The following CFAP92 variants were observed in gnomAD, a reference collection of about 807,000 sequenced individuals.
CFAP92 encodes uncharacterized protein CFAP92.
Under a neutral mutation model 106.3 loss-of-function variants are expected in CFAP92, and 86 were observed. The observed-to-expected ratio is 0.81, with a 90% confidence interval of 0.68 to 0.97. The LOEUF is 0.97. Among genes scored for constraint, CFAP92 ranks in the 50% least tolerant of loss-of-function variants. The pLI, the probability that CFAP92 is intolerant of heterozygous loss-of-function variation, is 0.00. For synonymous variants in CFAP92, 477 were observed against 506.4 expected, an observed-to-expected ratio of 0.94 and a Z score of 0.78; for missense variants, 1,204 against 1,283.8, an observed-to-expected ratio of 0.94 and a Z score of 0.95.
At chr3:128,975,490 G>A (rs1348203476) in intron 7 of CFAP92, among the ~76,000 whole-genome samples, 1 of 151,634 alleles carries the variant, frequency 6.6e-6, no homozygotes, top group Non-Finnish European at 1.5e-5. Context: ...GAATGGGTGG[G>A]TGGACAGATG....
At chr3:129,007,847 G>C in the CFAP92 span, among the ~76,000 whole-genome samples, 1 of 152,206 alleles carries the variant, frequency 6.6e-6, no homozygotes, top group African/African-American at 2.4e-5. Flanking sequence ...ATCAGTCCTT[G>C]TGTTGTAGGT....
intron 10 of CFAP92, 53 bp downstream of exon 10, chr3:128,945,018 C>A (rs144966675): frequency 0.012 from 16,851 of 1,411,342 alleles, 221 homozygotes; most frequent in Non-Finnish European, 0.012. Flanking sequence ...TCTCCACTCC[C>A]TCGGCATCCA....
chr3:128,988,723 C>A lies in CFAP92; in HGVS notation c.453+5G>T. The A allele has an allele frequency of 6.2e-7, 1 of 1,613,464 alleles. No individual in the cohort carries two copies. The highest frequency in any genetic ancestry group is 8.5e-7 in the Non-Finnish European group (1 of 1,179,700). ...ACACAAGGCCACACACACTCACACA[C>A]GCACCTTTACTCCTGACTCCAGGAA... is the stretch of plus-strand genomic sequence containing the variant. On this transcript the variant is annotated splice_donor_5th_base_variant and intron_variant, in intron 3 of 15. Transcript: ENST00000645291.
chr3:128,994,124 A>T, upstream of CFAP92: 1 of 985,786 alleles, frequency 1.0e-6, no homozygotes, highest in Non-Finnish European at 1.2e-6. Flanking sequence ...CCAGCCACTC[A>T]GCTACGTTTG....
At chr3:129,023,000 C>T in the CFAP92 span, among the ~76,000 whole-genome samples, 1 of 152,196 alleles carries the variant, frequency 6.6e-6, no homozygotes. Flanking sequence ...AGAACAGCCT[C>T]GGGTTCAGAG....
At chr3:128,965,717 T>C (rs541737508) in intron 8 of CFAP92, 22 bp from the exon 9 acceptor site, 1 of 398,266 alleles carries the variant, frequency 2.5e-6, no homozygotes, top group East Asian at 3.6e-5. Context: ...ACACCCAGCA[T>C]TAGACCTTTC....
chr3:129,001,503 G>T, intron 1 of CFAP92: 1 of 1,302,124 alleles, frequency 7.7e-7, no homozygotes, highest in South Asian at 2.2e-5. Flanking sequence ...CACGGTCCCC[G>T]GCGCCGCTCC....
In CFAP92 at chr3:128,976,855, A is replaced by T. The variant is rs537933186; in HGVS notation, c.896+124T>A. 2.1e-5 allele frequency: 16 copies of T among 745,820 alleles called. No individual in the cohort carries two copies. The African/African-American group carries it at 2.6e-4, about 12-fold the overall frequency. The allele number at this position is 745,820 out of a possible 1,614,324, so 46.2% of individuals were successfully genotyped here. On this transcript the variant is annotated intron_variant, in intron 6 of 15. Transcript: ENST00000645291. ...AAGCTACCCCTTCCCTGTTAGCTTA[A>T]GTTAGCCTGGATTGCATGAGATCCA...
intron 9 of CFAP92, among the ~76,000 whole-genome samples, chr3:128,953,605 CT>C (rs1320951670): frequency 1.6e-5 from 2 of 124,188 alleles, no homozygotes; most frequent in African/African-American, 7.7e-5. Context: ...CCCTCCCCCT[CT>C]CCCTCTCCCT....
chr3:128,972,632 G>T (rs1299939760), intron 7 of CFAP92, among the ~76,000 whole-genome samples: 1 of 151,472 alleles, frequency 6.6e-6, no homozygotes, highest in Non-Finnish European at 1.5e-5. Context: ...GAGGCAAGTG[G>T]ATCGCCTGAG....
upstream of CFAP92, chr3:129,003,936 A>T (rs570713711): frequency 1.4e-6 from 2 of 1,392,840 alleles, no homozygotes; most frequent in South Asian, 3.1e-5. Context: ...GGCCAGGCCG[A>T]GGTGCGGCGG....
intron 12 of CFAP92, among the ~76,000 whole-genome samples, chr3:128,922,133 A>G (rs1301526686): frequency 6.6e-6 from 1 of 151,944 alleles, no homozygotes. Context: ...AGGTCAGGAG[A>G]TCGAGACCAT....
the CFAP92 span, among the ~76,000 whole-genome samples, chr3:129,019,441 C>G: frequency 6.6e-6 from 1 of 152,180 alleles, no homozygotes; most frequent in Non-Finnish European, 1.5e-5. Flanking sequence ...GCTCATCAGT[C>G]CAATAATTCC....
In CFAP92 at chr3:128,915,457, G is replaced by A; in HGVS notation, c.3023C>T (p.Ala1008Val). 1 of 1,536,090 alleles carries A rather than the reference G, an allele frequency of 6.5e-7. No homozygotes were observed. Residue 1008 changes from alanine to valine, a missense_variant, in exon 14 of 16, where the codon GCC becomes GTC. Ala to Val is a moderately conservative substitution (Grantham distance 64). Transcript: ENST00000645291. ...TTGGAATCCCCTGGCTGTGAGCCAG[G>A]CCTGGCGGGATTTCTTCTGGGCTTT... ...EKKAQKKSRQ[A>V]WLTARGFQVT...
At chr3:129,023,334 G>C in the CFAP92 span, among the ~76,000 whole-genome samples, 4 of 138,448 alleles carry the variant, frequency 2.9e-5, no homozygotes. Context: ...TTTTGAGACA[G>C]AGTCTTGAGT....
chr3:129,003,645 A>C, upstream of CFAP92: 1 of 789,030 alleles, frequency 1.3e-6, no homozygotes, highest in Non-Finnish European at 1.7e-6. Flanking sequence ...CACCGGACCT[A>C]AGGGCCTGGC....
chr3:128,928,780 A>G (rs1200321284), intron 12 of CFAP92, among the ~76,000 whole-genome samples: 2 of 132,642 alleles, frequency 1.5e-5, no homozygotes, highest in African/African-American at 7.8e-5. Flanking sequence ...CAGAAAAAAC[A>G]TAAATTGGAA....
chr3:128,959,453 T>C (rs146487983), intron 9 of CFAP92, among the ~76,000 whole-genome samples: 36 of 152,108 alleles, frequency 2.4e-4, no homozygotes, highest in Middle Eastern at 3.4e-3. Flanking sequence ...ATATGAGATC[T>C]CAAAAATAAA....
At chr3:129,015,783 C>G in the CFAP92 span, among the ~76,000 whole-genome samples, 17 of 152,014 alleles carry the variant, frequency 1.1e-4, no homozygotes, top group East Asian at 2.1e-3. Context: ...ATCCCGCCCC[C>G]CTACCCCAAG....
Sources: gnomAD v4.1 joint callset for allele counts (sites outside exome capture counted in the v4.1 genomes callset) on GRCh38, gnomAD v4.1.1 for gene constraint, MANE v1.5 for transcripts, NCBI Gene and HGNC (gene_info 2026-07-23, HGNC 2026-07-21) for gene names.